The following RXFP1 variants were observed in gnomAD, a reference collection of about 807,000 sequenced individuals.
RXFP1 encodes relaxin family peptide receptor 1.
RXFP1 carries 73 observed loss-of-function variants against 89.8 expected under a neutral mutation model. That is an observed-to-expected ratio of 0.81 (90% CI 0.67 to 0.99). The LOEUF is 0.99. Ranked by LOEUF, RXFP1 falls within the 50% of genes least tolerant of loss-of-function variation. The pLI, the probability that RXFP1 is intolerant of heterozygous loss-of-function variation, is 0.00. For synonymous variants in RXFP1, 277 were observed against 305.5 expected (o/e 0.91, Z 0.97); for missense variants, 793 against 895.5 (o/e 0.89, Z 1.46).
intron 1 of RXFP1, among the ~76,000 whole-genome samples, chr4:158,528,099 A>G (rs1004678110): frequency 6.6e-6 from 1 of 152,214 alleles, no homozygotes; most frequent in Non-Finnish European, 1.5e-5. Flanking sequence ...GTGGAAAAAC[A>G]TTTAAATCAT....
chr4:158,561,451 A>C (rs1437019870), intron 1 of RXFP1, among the ~76,000 whole-genome samples: 1 of 152,200 alleles, frequency 6.6e-6, no homozygotes, highest in Non-Finnish European at 1.5e-5. Context: ...GGCCATGTGT[A>C]TAAAGTATAT....
intron 2 of RXFP1, among the ~76,000 whole-genome samples, chr4:158,578,827 T>C (rs528102576): frequency 3.3e-5 from 5 of 152,154 alleles, no homozygotes; most frequent in African/African-American, 9.6e-5. Flanking sequence ...TTTGTCAGTC[T>C]GTTTACATAT....
At chr4:158,628,755 T>C (rs749011482) in intron 11 of RXFP1, 46 bp downstream of exon 11, 4 of 1,026,714 alleles carry the variant, frequency 3.9e-6, no homozygotes, top group East Asian at 5.0e-5. Context: ...CTTTCTACTG[T>C]TTTTTCACAC....
At chr4:158,586,284 T>C (rs771111257) in intron 2 of RXFP1, among the ~76,000 whole-genome samples, 1 of 152,260 alleles carries the variant, frequency 6.6e-6, no homozygotes, top group South Asian at 2.1e-4. Flanking sequence ...TCATGCAGCA[T>C]GCAAGATCAG....
At chr4:158,580,052 G>A (rs1247659532) in intron 2 of RXFP1, among the ~76,000 whole-genome samples, 2 of 152,288 alleles carry the variant, frequency 1.3e-5, no homozygotes, top group South Asian at 2.1e-4. Flanking sequence ...GGCAGAAGAC[G>A]GGTGAGAGGG....
chr4:158,550,289 A>G (rs540256027), intron 1 of RXFP1, among the ~76,000 whole-genome samples: 86 of 152,336 alleles, frequency 5.6e-4, no homozygotes, highest in Admixed American at 9.8e-4. Context: ...CCATTTTTTA[A>G]GCCCGTTGGA....
chr4:158,634,871 T>G (rs1036617252), intron 12 of RXFP1, among the ~76,000 whole-genome samples: 3 of 152,232 alleles, frequency 2.0e-5, no homozygotes, highest in Non-Finnish European at 4.4e-5. Flanking sequence ...GAGCTCTCTA[T>G]TCTATTCCAT....
intron 17 of RXFP1, among the ~76,000 whole-genome samples, chr4:158,650,101 C>G (rs997105682): frequency 6.6e-6 from 1 of 152,122 alleles, no homozygotes. Context: ...TATAGATGAA[C>G]CTTGAAGATA....
intron 6 of RXFP1, among the ~76,000 whole-genome samples, chr4:158,608,673 C>T (rs536771532): frequency 3.9e-4 from 59 of 152,254 alleles, no homozygotes; most frequent in African/African-American, 1.4e-3. Flanking sequence ...CATTCAGTGG[C>T]ATTAAGTACA....
At chr4:158,632,566 G>A (rs1188154055) in intron 11 of RXFP1, among the ~76,000 whole-genome samples, 3 of 152,086 alleles carry the variant, frequency 2.0e-5, no homozygotes, top group East Asian at 1.9e-4. Context: ...AAGCTACCAC[G>A]AGAGGTGCTG....
At chr4:158,549,373 T>C (rs963345913) in intron 1 of RXFP1, among the ~76,000 whole-genome samples, 3 of 152,206 alleles carry the variant, frequency 2.0e-5, no homozygotes, top group African/African-American at 4.8e-5. Flanking sequence ...TCAAAGTTTT[T>C]AACTTCTTTG....
chr4:158,554,805 ACT>A (rs1423946165), intron 1 of RXFP1, among the ~76,000 whole-genome samples: 2 of 151,904 alleles, frequency 1.3e-5, no homozygotes, highest in African/African-American at 2.4e-5. Flanking sequence ...GTATAATTAA[ACT>A]CTTAGTGCTT....
At chr4:158,623,617 A>C in intron 9 of RXFP1, among the ~76,000 whole-genome samples, 1 of 152,060 alleles carries the variant, frequency 6.6e-6, no homozygotes, top group East Asian at 1.9e-4. Context: ...ATCAGTGTAT[A>C]TCAAACTTCA....
At position 158,552,009 on chromosome 4, in the gene RXFP1, G is replaced by A. The variant is rs1260364207; in HGVS notation, c.50-20689G>A. ...CACTCAAAAAACAGAAAAGTATATT[G>A]AGACCAGTTGGGGACACTTTGACAA... is the stretch of plus-strand genomic sequence containing the variant. On this transcript the variant is annotated intron_variant, in intron 1 of 17. Coordinates refer to ENST00000307765, the MANE Select transcript of RXFP1 (RefSeq NM_021634.4). Among the ~76,000 whole-genome samples, 11 of 152,270 alleles carry A rather than the reference G, an allele frequency of 7.2e-5. No individual in the cohort carries two copies. In the East Asian group the frequency reaches 1.5e-3, roughly 21 times the overall value.
intron 6 of RXFP1, chr4:158,610,709 A>G: frequency 7.8e-7 from 1 of 1,289,394 alleles, no homozygotes; most frequent in Non-Finnish European, 1.0e-6. Flanking sequence ...GCAATAGTGG[A>G]TCAAATGTCT....
chr4:158,622,771 A>C lies in RXFP1; in HGVS notation c.756-4049A>C, dbSNP rs969871677. 2.6e-5 allele frequency among the ~76,000 whole-genome samples: 4 copies of C among 152,208 alleles called. No homozygotes were observed. The South Asian group carries it at 8.3e-4, about 31-fold the overall frequency. On this transcript the variant is annotated intron_variant, in intron 9 of 17. Transcript: ENST00000307765. ...AATTACAGTTATGAGATGAATAAGC[A>C]TACAGATCTAATGTATGGCATGTCT... is the stretch of plus-strand genomic sequence containing the variant.
At chr4:158,546,933 G>A (rs555832785) in intron 1 of RXFP1, among the ~76,000 whole-genome samples, 3,141 of 152,106 alleles carry the variant, frequency 0.021, 55 homozygotes, top group Non-Finnish European at 0.032. Flanking sequence ...GTCTCTGCCC[G>A]GCTTTGGTAT....
intron 1 of RXFP1, among the ~76,000 whole-genome samples, chr4:158,528,326 C>T (rs376562909): frequency 5.9e-5 from 9 of 152,112 alleles, no homozygotes; most frequent in African/African-American, 1.4e-4. Flanking sequence ...CAACATGGCG[C>T]GACCCCCCAT....
At chr4:158,599,604 C>A (rs1374944862) in intron 4 of RXFP1, among the ~76,000 whole-genome samples, 173 bp downstream of exon 4, 5 of 152,126 alleles carry the variant, frequency 3.3e-5, no homozygotes, top group Non-Finnish European at 5.9e-5. Flanking sequence ...AAATGCTAGA[C>A]CCCACCTTAA....
Sources: allele counts gnomAD v4.1 joint callset (sites outside exome capture counted in the v4.1 genomes callset), GRCh38; gene constraint gnomAD v4.1.1; transcripts MANE v1.5; gene names NCBI Gene and HGNC (gene_info 2026-07-23, HGNC 2026-07-21).